The following TSPAN11 variants were observed in gnomAD, a reference collection of about 807,000 sequenced individuals.
The protein encoded by TSPAN11 is tetraspanin 11, also known as tetraspanin-11.
A neutral mutation model predicts 32.9 loss-of-function variants in TSPAN11; 29 were observed. That is an observed-to-expected ratio of 0.88 (90% CI 0.66 to 1.20). The LOEUF is 1.20. Among genes scored for constraint, TSPAN11 ranks in the 50% most tolerant of loss-of-function variants. The probability of loss-of-function intolerance (pLI) is 0.00; values close to 1 mark genes in which losing one functional copy is unlikely to be tolerated. For synonymous variants in TSPAN11, 140 were observed against 141.3 expected, an observed-to-expected ratio of 0.99 and a Z score of 0.07; for missense variants, 283 against 329.1, an observed-to-expected ratio of 0.86 and a Z score of 1.08.
intron 1 of TSPAN11, among the ~76,000 whole-genome samples, chr12:30,927,239 A>C (rs1232054876): frequency 6.6e-6 from 1 of 152,228 alleles, no homozygotes; most frequent in Non-Finnish European, 1.5e-5. Context: ...CATTGCTTTC[A>C]GAGGGCCTGT....
chr12:30,976,932 G>A (rs949819715), intron 3 of TSPAN11, among the ~76,000 whole-genome samples: 2 of 152,218 alleles, frequency 1.3e-5, no homozygotes, highest in African/African-American at 2.4e-5. Context: ...CCTGGGGTAG[G>A]AAAGGAAGGG....
intron 3 of TSPAN11, among the ~76,000 whole-genome samples, chr12:30,972,151 G>A (rs549797950): frequency 6.6e-6 from 1 of 152,128 alleles, no homozygotes. Flanking sequence ...ACAGGGGATC[G>A]ATTTTGGAAG....
At chr12:30,957,772 CTT>C (rs1295359268) in intron 2 of TSPAN11, among the ~76,000 whole-genome samples, 1 of 40,684 alleles carries the variant, frequency 2.5e-5, no homozygotes, top group Non-Finnish European at 4.2e-5. Context: ...TCCTTCCTTC[CTT>C]CCCTCCCTCC....
In TSPAN11 at chr12:30,934,632, ATT is replaced by A. The variant is rs36120080; in HGVS notation, c.-12+7850_-12+7851del. Among the ~76,000 whole-genome samples, 51 of 138,042 alleles carry A rather than the reference ATT, an allele frequency of 3.7e-4. 2 individuals are homozygous for A. The highest frequency in any genetic ancestry group is 1.3e-3 in the African/African-American group (48 of 36,980). The allele number at this position is 138,042 out of a possible 152,430, so 90.6% of individuals were successfully genotyped here. On this transcript the variant is annotated intron_variant, in intron 1 of 7. Coordinates refer to ENST00000546076, the MANE Select transcript of TSPAN11 (RefSeq NM_001370302.1). ...ATTCGGAAACTTAAAATATTATGAG[ATT>A]TTTTTTTTTTTTTGCAATTTTTTTC...
At chr12:30,973,998 C>G (rs370287051) in intron 3 of TSPAN11, among the ~76,000 whole-genome samples, 1 of 152,178 alleles carries the variant, frequency 6.6e-6, no homozygotes, top group Non-Finnish European at 1.5e-5. Context: ...ATGGAATTCC[C>G]TCATGGAATT....
chr12:30,979,854 C>A (rs1463650240), intron 5 of TSPAN11, among the ~76,000 whole-genome samples, 184 bp downstream of exon 5: 3 of 152,230 alleles, frequency 2.0e-5, no homozygotes, highest in Non-Finnish European at 2.9e-5. Context: ...TCTAGATGTC[C>A]CCACTGCCAT....
At chr12:30,988,765 T>C (rs1175157435) in intron 7 of TSPAN11, among the ~76,000 whole-genome samples, 1 of 152,126 alleles carries the variant, frequency 6.6e-6, no homozygotes, top group African/African-American at 2.4e-5. Context: ...CATGCACATC[T>C]GAAGACATCA....
At chr12:30,932,456 A>G (rs1937952279) in intron 1 of TSPAN11, among the ~76,000 whole-genome samples, 1 of 152,120 alleles carries the variant, frequency 6.6e-6, no homozygotes, top group African/African-American at 2.4e-5. Flanking sequence ...TCAACTACTC[A>G]TCAATGCACT....
At chr12:30,996,798 C>A (rs1337943998), downstream of TSPAN11, among the ~76,000 whole-genome samples, 3 of 152,192 alleles carry the variant, frequency 2.0e-5, no homozygotes, top group African/African-American at 7.2e-5. Flanking sequence ...TTTGAACTGA[C>A]TTCTCCTGCT....
chr12:31,005,549 C>A, the TSPAN11 span, among the ~76,000 whole-genome samples: 1 of 152,188 alleles, frequency 6.6e-6, no homozygotes, highest in African/African-American at 2.4e-5. Flanking sequence ...CAGACACAGA[C>A]GCAGGCATCC....
intron 1 of TSPAN11, among the ~76,000 whole-genome samples, chr12:30,949,429 G>A (rs1938334858): frequency 6.6e-6 from 1 of 152,090 alleles, no homozygotes. Context: ...ATCATGGTGG[G>A]AGGCAAAAGG....
Position 30,994,970 on chromosome 12 carries a change from G to A in TSPAN11, c.*3055G>A, listed in dbSNP as rs985749882. ...CTCCATCTCCATAAGGAGCCATCAGGCTGTCATTAAGGAACAGAGTGTCAC... is the reference window on the plus strand; with the variant it reads ...CTCCATCTCCATAAGGAGCCATCAGACTGTCATTAAGGAACAGAGTGTCAC... On this transcript the variant is annotated 3_prime_UTR_variant, in exon 8 of 8. Transcript: ENST00000546076. 3 of 152,082 alleles carry A rather than the reference G, an allele frequency of 2.0e-5. No homozygotes were observed. The highest frequency in any genetic ancestry group is 7.3e-5 in the African/African-American group (3 of 41,364). 9.4% of individuals were successfully genotyped at this position (152,082 alleles called of 1,614,324 possible).
intron 1 of TSPAN11, among the ~76,000 whole-genome samples, chr12:30,950,641 C>T (rs1234490649): frequency 6.6e-6 from 1 of 152,188 alleles, no homozygotes; most frequent in Admixed American, 6.5e-5. Flanking sequence ...CTCTCATGTA[C>T]ACTCAGTTTG....
At chr12:31,016,348 T>C in the TSPAN11 span, among the ~76,000 whole-genome samples, 1 of 152,290 alleles carries the variant, frequency 6.6e-6, no homozygotes, top group East Asian at 1.9e-4. Context: ...TGCACAGCAG[T>C]GTGATGTGCT....
Position 30,953,981 on chromosome 12 carries a change from G to A in TSPAN11, c.-11G>A, listed in dbSNP as rs147802081. 159 of 1,611,688 alleles carry A rather than the reference G, an allele frequency of 9.9e-5. No homozygotes were observed. In the East Asian group the frequency reaches 3.1e-3, roughly 31 times the overall value. On this transcript the variant is annotated splice_region_variant and 5_prime_UTR_variant, in exon 2 of 8. Transcript: ENST00000546076. ...CCCAGCATATGTGTCTTCTCTGCAG[G>A]CCCAGAAGCCATGGCCCACTATAAG...
At chr12:30,953,621 G>A (rs1938424654) in intron 1 of TSPAN11, among the ~76,000 whole-genome samples, 1 of 152,226 alleles carries the variant, frequency 6.6e-6, no homozygotes, top group African/African-American at 2.4e-5. Flanking sequence ...GTGATGCTGA[G>A]TGTGTGTGTG....
intron 4 of TSPAN11, 126 bp from the exon 5 acceptor site, chr12:30,979,440 C>A (rs1939041950): frequency 1.2e-6 from 1 of 833,738 alleles, no homozygotes; most frequent in African/African-American, 1.7e-5. Context: ...TGAGAAACCT[C>A]CGCATCACAC....
chr12:31,003,801 C>G, the TSPAN11 span, among the ~76,000 whole-genome samples: 1 of 152,260 alleles, frequency 6.6e-6, no homozygotes, highest in African/African-American at 2.4e-5. Context: ...ATGTGTGCCT[C>G]TCTCATATTC....
intron 2 of TSPAN11, among the ~76,000 whole-genome samples, chr12:30,958,861 A>T (rs944420115): frequency 6.6e-6 from 1 of 152,110 alleles, no homozygotes; most frequent in Middle Eastern, 3.2e-3. Context: ...CACAGTGGGT[A>T]TTGGTTGAAA....
Sources: gnomAD v4.1 joint callset for allele counts (sites outside exome capture counted in the v4.1 genomes callset) on GRCh38, gnomAD v4.1.1 for gene constraint, MANE v1.5 for transcripts, NCBI Gene and HGNC (gene_info 2026-07-23, HGNC 2026-07-21) for gene names.